The following TNNT2 variants were observed in gnomAD, a reference collection of about 807,000 sequenced individuals.
TNNT2 encodes the protein troponin T, cardiac muscle.
A neutral mutation model predicts 62.4 loss-of-function variants in TNNT2; 34 were observed. The observed-to-expected ratio is 0.54, with a 90% CI of 0.41 to 0.72. The LOEUF (loss-of-function observed/expected upper bound fraction) is 0.72. TNNT2 is among the 30% of genes least tolerant of loss of function. The probability of loss-of-function intolerance (pLI) is 0.00; values close to 1 mark genes in which losing one functional copy is unlikely to be tolerated. For missense variants in TNNT2, 275 were observed against 381.9 expected, an observed-to-expected ratio of 0.72 and a Z score of 2.33; for synonymous variants, 123 against 127.2, an observed-to-expected ratio of 0.97 and a Z score of 0.22.
rs781240506 is a variant in TNNT2, at chr1:201,364,383, G to A, written c.412-8C>T. On this transcript the variant is annotated splice_region_variant and splice_polypyrimidine_tract_variant and intron_variant, in intron 10 of 16. Transcript: ENST00000656932. ...CTCTGCCCGACGTCTCTCCTAAGGA[G>A]AAGAGGCAAAGCCCACCCAGGTGTG... is the stretch of plus-strand genomic sequence containing the variant. 1.2e-6 allele frequency: 2 copies of A among 1,611,838 alleles called. No homozygotes were observed. The highest frequency in any genetic ancestry group is 1.7e-6 in the Non-Finnish European group (2 of 1,179,892).
chr1:201,359,315 C>G, intron 16 of TNNT2, 60 bp from the exon 17 acceptor site: 1 of 1,580,926 alleles, frequency 6.3e-7, no homozygotes, highest in Non-Finnish European at 8.6e-7. Flanking sequence ...GGTCACCATG[C>G]GGCTGGGGTA....
chr1:201,366,805 C>T, intron 8 of TNNT2, 33 bp downstream of exon 8: 7 of 1,614,120 alleles, frequency 4.3e-6, no homozygotes, highest in Admixed American at 1.7e-5. Context: ...TGAGCCTCTG[C>T]TCCCGGCTCT....
chr1:201,372,267 T>A (rs1660744925), intron 2 of TNNT2, 112 bp from the exon 3 acceptor site: 25 of 1,522,254 alleles, frequency 1.6e-5, no homozygotes, highest in Non-Finnish European at 2.3e-5. Flanking sequence ...CCCCCTTTCT[T>A]TTCCCTTGTT....
At chr1:201,368,782 G>A (rs188944374) in intron 5 of TNNT2, among the ~76,000 whole-genome samples, 50 of 152,342 alleles carry the variant, frequency 3.3e-4, no homozygotes, top group African/African-American at 1.2e-3. Flanking sequence ...GAGACAGGAT[G>A]CCGCCTGGCC....
At chr1:201,368,075 T>G in intron 6 of TNNT2, 87 bp downstream of exon 6, 1 of 1,376,062 alleles carries the variant, frequency 7.3e-7, no homozygotes, top group Non-Finnish European at 1.0e-6. Flanking sequence ...GGAAAGCCTG[T>G]TCTGGGGGGT....
Position 201,359,048 on chromosome 1 carries a change from G to T in TNNT2, c.*162C>A. The T allele has an allele frequency of 1.3e-6, 1 of 789,822 alleles. No individual in the cohort carries two copies. 48.9% of individuals were successfully genotyped at this position (789,822 alleles called of 1,614,324 possible). Reference sequence around the variant, plus strand: ...GGTGGCTTTTTATTACTGGTGTGGAGTGGGTGTGGGGGCAGGCAGGAGTGG... The same window carrying T: ...GGTGGCTTTTTATTACTGGTGTGGATTGGGTGTGGGGGCAGGCAGGAGTGG... On this transcript the variant is annotated 3_prime_UTR_variant, in exon 17 of 17. Coordinates refer to ENST00000656932, the MANE Select transcript of TNNT2 (RefSeq NM_001276345.2).
At chr1:201,366,411 C>T (rs1471294698) in intron 8 of TNNT2, 1 of 1,083,254 alleles carries the variant, frequency 9.2e-7, no homozygotes, top group South Asian at 2.9e-5. Flanking sequence ...GTGTGTGGCA[C>T]CAAGCCGTCC....
chr1:201,362,502 A>T, intron 12 of TNNT2, 108 bp from the exon 13 acceptor site: 3 of 1,400,122 alleles, frequency 2.1e-6, no homozygotes, highest in Non-Finnish European at 3.0e-6. Context: ...ATGGAAGAGA[A>T]GATTCAGATA....
chr1:201,362,317 C>T (rs368374955), intron 13 of TNNT2, 69 bp downstream of exon 13: 79 of 1,594,570 alleles, frequency 5.0e-5, no homozygotes, highest in African/African-American at 2.4e-4. Context: ...TCCAGCAAGG[C>T]GCCTTCCCCT....
chr1:201,373,945 G>A (rs930746643), intron 1 of TNNT2: 1 of 155,852 alleles, frequency 6.4e-6, no homozygotes, highest in Admixed American at 6.2e-5. Flanking sequence ...CTGGACAAAT[G>A]AGTGAGAACT....
At chr1:201,362,079 A>C (rs779373706) in intron 13 of TNNT2, 57 bp from the exon 14 acceptor site, 2 of 1,576,964 alleles carry the variant, frequency 1.3e-6, no homozygotes, top group Non-Finnish European at 1.7e-6. Context: ...CTGTCCCCTA[A>C]CCCTCCCCAA....
At chr1:201,366,141 C>G in intron 8 of TNNT2, 2 of 1,075,794 alleles carry the variant, frequency 1.9e-6, no homozygotes, top group Non-Finnish European at 2.3e-6. Context: ...CTTCATGTCC[C>G]CATCTGCCCT....
chr1:201,361,844 T>C, intron 14 of TNNT2, 69 bp downstream of exon 14: 2 of 1,418,692 alleles, frequency 1.4e-6, no homozygotes, highest in Non-Finnish European at 2.0e-6. Context: ...CAGCAAGAAG[T>C]GCCCTTGGCC....
At chr1:201,369,511 GT>G (rs937436881) in intron 5 of TNNT2, among the ~76,000 whole-genome samples, 5 of 152,280 alleles carry the variant, frequency 3.3e-5, no homozygotes, top group African/African-American at 1.2e-4. Flanking sequence ...CAGGTGCCAG[GT>G]CCCCTCTATG....
rs779570034 is a variant in TNNT2 at position 201,369,769 on chromosome 1, G to C, written c.97+47C>G. The C allele has an allele frequency of 1.9e-6, 3 of 1,612,730 alleles. No homozygotes were observed. The South Asian group carries it at 3.3e-5, about 18-fold the overall frequency. On this transcript the variant is annotated intron_variant, in intron 5 of 16. Coordinates refer to ENST00000656932, the MANE Select transcript of TNNT2 (RefSeq NM_001276345.2). Reference sequence around the variant, plus strand: ...GCCCCTGGACAAGGAGGCTGCACTTGGGACAGCAGGCAGCAGAAAGCACCA... The same window carrying C: ...GCCCCTGGACAAGGAGGCTGCACTTCGGACAGCAGGCAGCAGAAAGCACCA...
chr1:201,364,607 T>C (rs2102256307), intron 10 of TNNT2, among the ~76,000 whole-genome samples: 1 of 152,302 alleles, frequency 6.6e-6, no homozygotes, highest in African/African-American at 2.4e-5. Flanking sequence ...GAGACTGCCC[T>C]CCACAACTGG....
At chr1:201,367,638 T>A in intron 7 of TNNT2, 133 bp downstream of exon 7, 1 of 1,038,776 alleles carries the variant, frequency 9.6e-7, no homozygotes, top group Non-Finnish European at 1.5e-6. Flanking sequence ...TGCCACCAAG[T>A]TCTGTCCTCT....
At chr1:201,377,468 C>CA (rs1661561163) in intron 1 of TNNT2, among the ~76,000 whole-genome samples, 155 bp downstream of exon 1, 1 of 152,144 alleles carries the variant, frequency 6.6e-6, no homozygotes, top group African/African-American at 2.4e-5. Flanking sequence ...CCAGACCTGG[C>CA]AACCTGTCCT....
chr1:201,366,770 C>T (rs1433069060), intron 8 of TNNT2, 68 bp downstream of exon 8: 26 of 1,613,156 alleles, frequency 1.6e-5, no homozygotes, highest in Non-Finnish European at 2.2e-5. Context: ...ATACTGCACC[C>T]CGTTCCATCA....
Sources: gnomAD v4.1 joint callset for allele counts (sites outside exome capture counted in the v4.1 genomes callset) on GRCh38, gnomAD v4.1.1 for gene constraint, MANE v1.5 for transcripts, NCBI Gene and HGNC (gene_info 2026-07-23, HGNC 2026-07-21) for gene names.